The following EIF2B3 variants were observed in gnomAD, a reference collection of about 807,000 sequenced individuals.
EIF2B3 encodes the protein eukaryotic translation initiation factor 2B subunit gamma.
A neutral mutation model predicts 54.1 loss-of-function variants in EIF2B3; 20 were observed. That is an observed-to-expected ratio of 0.37 (90% CI 0.26 to 0.54). EIF2B3 has a LOEUF of 0.54. Among genes scored for constraint, EIF2B3 ranks in the 20% least tolerant of loss-of-function variants. The pLI is 0.86. For synonymous variants in EIF2B3, 153 were observed against 188.1 expected (o/e 0.81, Z 1.52); for missense variants, 448 against 547.8 (o/e 0.82, Z 1.82).
At chr1:44,865,644 C>T (rs550848735) in intron 10 of EIF2B3, among the ~76,000 whole-genome samples, 5 of 151,668 alleles carry the variant, frequency 3.3e-5, no homozygotes, top group African/African-American at 9.7e-5. Flanking sequence ...TGCAATGGCG[C>T]GAACTGGGCT....
At chr1:44,851,455 T>TGA (rs552854595) in intron 11 of EIF2B3, among the ~76,000 whole-genome samples, 2 of 152,066 alleles carry the variant, frequency 1.3e-5, no homozygotes, top group Non-Finnish European at 2.9e-5. Flanking sequence ...AATAGGGATA[T>TGA]GAGAGAGAGA....
intron 5 of EIF2B3, among the ~76,000 whole-genome samples, chr1:44,922,414 C>T (rs1323749459): frequency 1.3e-5 from 2 of 150,768 alleles, no homozygotes; most frequent in Non-Finnish European, 3.0e-5. Context: ...TGGTGAAACC[C>T]CATCTCCACT....
At position 44,897,448 on chromosome 1, in the gene EIF2B3, C is replaced by CA; in HGVS notation, c.567-5dup. On this transcript the variant is annotated splice_region_variant and splice_polypyrimidine_tract_variant and intron_variant, in intron 5 of 11. Transcript: ENST00000360403. Reference sequence around the variant, plus strand: ...GTGGAAACGTATTCTAGGATGCCTGCAAAAAAATAAAAAATAAAAGAAAGA... The same window carrying CA: ...GTGGAAACGTATTCTAGGATGCCTGCAAAAAAAATAAAAAATAAAAGAAAGA... 5.0e-6 allele frequency: 8 copies of CA among 1,601,988 alleles called. No homozygotes were observed. The highest frequency in any genetic ancestry group is 2.2e-5 in the East Asian group (1 of 44,710).
At chr1:44,978,621 C>CTTTTTTTTTTTTTT (rs57964686) in intron 2 of EIF2B3, among the ~76,000 whole-genome samples, 161 bp from the exon 3 acceptor site, 2 of 76,634 alleles carry the variant, frequency 2.6e-5, no homozygotes, top group African/African-American at 6.5e-5. Flanking sequence ...CCAATAAATT[C>CTTTTTTTTTTTTTT]TTTTTTTTTT....
rs1276399006 is a variant in EIF2B3 at position 44,958,910 on chromosome 1, G to A, written c.295-17245C>T. 6 of 796,942 alleles carry A rather than the reference G, an allele frequency of 7.5e-6. No individual in the cohort carries two copies. The East Asian group carries it at 1.5e-4, about 19-fold the overall frequency. The allele number at this position is 796,942 out of a possible 1,614,324, so 49.4% of individuals were successfully genotyped here. A position where few individuals can be genotyped will look rare whatever the true frequency, so the allele number is the denominator to read the frequency against. ...ATTTCATCAAGGCTGAGGGCCATCT[G>A]AAACAGACGGAGAAAATATATACTC... On this transcript the variant is annotated intron_variant, in intron 3 of 11. Transcript: ENST00000360403.
At chr1:44,962,192 C>T (rs1350392654) in intron 3 of EIF2B3, among the ~76,000 whole-genome samples, 1 of 119,474 alleles carries the variant, frequency 8.4e-6, no homozygotes, top group Non-Finnish European at 1.7e-5. Flanking sequence ...AACTCCGTCT[C>T]AATCATCATC....
intron 10 of EIF2B3, chr1:44,863,285 C>T (rs1002689054): frequency 2.0e-5 from 3 of 152,226 alleles, no homozygotes; most frequent in Admixed American, 2.0e-4. Flanking sequence ...CCCATAATCT[C>T]TCTAGGTACT....
At chr1:44,875,085 G>C (rs1203729032) in intron 9 of EIF2B3, among the ~76,000 whole-genome samples, 1 of 152,198 alleles carries the variant, frequency 6.6e-6, no homozygotes, top group Admixed American at 6.5e-5. Context: ...TCATGCACTT[G>C]TGTATACAGA....
At chr1:44,879,726 A>C in intron 8 of EIF2B3, 92 bp downstream of exon 8, 1 of 1,432,362 alleles carries the variant, frequency 7.0e-7, no homozygotes, top group Non-Finnish European at 9.8e-7. Flanking sequence ...GGGATTCTTA[A>C]CAAGTTACTA....
At chr1:44,945,553 CAA>C (rs199816888) in intron 3 of EIF2B3, among the ~76,000 whole-genome samples, 17 of 103,876 alleles carry the variant, frequency 1.6e-4, no homozygotes, top group Admixed American at 4.0e-4. Context: ...GACTCCGTCT[CAA>C]AAAAAAAAAA....
intron 4 of EIF2B3, among the ~76,000 whole-genome samples, chr1:44,932,905 G>A (rs1219808136): frequency 1.3e-5 from 2 of 152,170 alleles, no homozygotes; most frequent in African/African-American, 4.8e-5. Flanking sequence ...CTGTACCTCA[G>A]GAGGCTTCCA....
At chr1:44,880,074 G>A in intron 7 of EIF2B3, 66 bp from the exon 8 acceptor site, 3 of 1,560,836 alleles carry the variant, frequency 1.9e-6, no homozygotes, top group Non-Finnish European at 8.8e-7. Flanking sequence ...TACAGACTCA[G>A]TCAAGTTGTT....
chr1:44,946,642 T>TC (rs1644105775), intron 3 of EIF2B3, among the ~76,000 whole-genome samples: 1 of 150,624 alleles, frequency 6.6e-6, no homozygotes, highest in African/African-American at 2.4e-5. Flanking sequence ...TTTTTTTTTT[T>TC]TGTAGAGACG....
intron 3 of EIF2B3, among the ~76,000 whole-genome samples, chr1:44,956,155 A>G (rs1032679731): frequency 6.6e-6 from 1 of 152,220 alleles, no homozygotes; most frequent in Admixed American, 6.5e-5. Context: ...AAAATGTGGC[A>G]CTTATACACC....
intron 5 of EIF2B3, among the ~76,000 whole-genome samples, chr1:44,922,835 G>GTTTTTTTTTTTTTTTTTTTTTTTTTT (rs1188137639): frequency 1.4e-5 from 1 of 72,858 alleles, no homozygotes; most frequent in African/African-American, 4.5e-5. Flanking sequence ...TTCTTTTTCA[G>GTTTTTTTTTTTTTTTTTTTTTTTTTT]ATTTTTTTTT....
At chr1:44,852,114 A>ATTTTTTTTTTTTTTT (rs765224340) in intron 11 of EIF2B3, among the ~76,000 whole-genome samples, 1 of 146,280 alleles carries the variant, frequency 6.8e-6, no homozygotes, top group Non-Finnish European at 1.5e-5. Flanking sequence ...ACACATGGCT[A>ATTTTTTTTTTTTTTT]ATTTTTTTTT....
rs11458839 is a variant in EIF2B3, at chr1:44,902,829, TAAAAAAAAAAAA to T, written c.567-5397_567-5386del. 1.5e-4 allele frequency among the ~76,000 whole-genome samples: 13 copies of T among 85,462 alleles called. No homozygotes were observed. In the East Asian group the frequency reaches 3.7e-3, roughly 25 times the overall value. The allele number at this position is 85,462 out of a possible 152,430, so 56.1% of individuals were successfully genotyped here. A position where few individuals can be genotyped will look rare whatever the true frequency, so the allele number is the denominator to read the frequency against. Reference sequence around the variant, plus strand: ...GGCAACAGAAAAGAGACTCTTTCTTTAAAAAAAAAAAAAAAAAAAAAAAAAAAGAAAGCTCCC... The same window carrying T: ...GGCAACAGAAAAGAGACTCTTTCTTTAAAAAAAAAAAAAAAGAAAGCTCCC... On this transcript the variant is annotated intron_variant, in intron 5 of 11. Transcript: ENST00000360403.
At chr1:44,928,557 T>C (rs1044105621) in intron 4 of EIF2B3, among the ~76,000 whole-genome samples, 1 of 151,776 alleles carries the variant, frequency 6.6e-6, no homozygotes, top group Admixed American at 6.6e-5. Context: ...GTCTTCTTAC[T>C]GTGAAAATGG....
At chr1:44,891,706 C>T (rs1655802274) in intron 6 of EIF2B3, among the ~76,000 whole-genome samples, 1 of 152,184 alleles carries the variant, frequency 6.6e-6, no homozygotes, top group Non-Finnish European at 1.5e-5. Flanking sequence ...TAACACCCTT[C>T]TCAAATATGA....
Sources: allele counts gnomAD v4.1 joint callset (sites outside exome capture counted in the v4.1 genomes callset), GRCh38; gene constraint gnomAD v4.1.1; transcripts MANE v1.5; gene names NCBI Gene and HGNC (gene_info 2026-07-23, HGNC 2026-07-21).